Variants in MTMR8 observed in about 807,000 individuals in gnomAD.
MTMR8 encodes myotubularin related protein 8.
A neutral mutation model predicts 39.3 loss-of-function variants in MTMR8; 65 were observed. The ratio of observed to expected loss-of-function variants is 1.65; its 90% CI spans 1.35 to 2.03. The LOEUF (loss-of-function observed/expected upper bound fraction) is 2.03, where lower values mean the gene tolerates loss of function less well. Ranked by LOEUF, MTMR8 falls within the 30% of genes most tolerant of loss-of-function variation. The probability of loss-of-function intolerance (pLI) is 0.00; values close to 1 mark genes in which losing one functional copy is unlikely to be tolerated. For missense variants in MTMR8, 777 were observed against 538.9 expected (o/e 1.44, Z -4.37); for synonymous variants, 245 against 185.2 (o/e 1.32, Z -2.62).
chrX:64,296,710 T>C (rs1236523438), intron 12 of MTMR8, among the ~76,000 whole-genome samples: 1 of 107,972 alleles, frequency 9.3e-6, no homozygotes, highest in East Asian at 3.0e-4. Flanking sequence ...AGGTATATCT[T>C]CCAATGCTAT....
intron 12 of MTMR8, among the ~76,000 whole-genome samples, chrX:64,291,166 C>T (rs1474669087): frequency 9.0e-6 from 1 of 111,361 alleles, no homozygotes; most frequent in Non-Finnish European, 1.9e-5. Context: ...AACTCATTCA[C>T]TCAAAAGCCT....
chrX:64,280,059 G>A (rs1303455406), intron 12 of MTMR8, among the ~76,000 whole-genome samples: 5 of 111,924 alleles, frequency 4.5e-5, no homozygotes, highest in African/African-American at 1.6e-4. Flanking sequence ...GTAATAAATA[G>A]CCTACCAACT....
intron 12 of MTMR8, among the ~76,000 whole-genome samples, chrX:64,314,703 A>G (rs1425213458): frequency 5.3e-5 from 6 of 112,464 alleles, no homozygotes. Context: ...AGAAGGCAAG[A>G]TTGGCCCCAC....
intron 4 of MTMR8, among the ~76,000 whole-genome samples, chrX:64,352,406 C>T (rs1363880516): frequency 9.0e-6 from 1 of 111,543 alleles, no homozygotes; most frequent in Non-Finnish European, 1.9e-5. Context: ...ACACCGAGTC[C>T]TATGAATTTT....
chrX:64,379,749 C>T (rs886748281), intron 1 of MTMR8, among the ~76,000 whole-genome samples: 2 of 111,736 alleles, frequency 1.8e-5, no homozygotes, highest in Non-Finnish European at 3.8e-5. Context: ...AGGACTTCAA[C>T]ATATGAACTT....
chrX:64,283,080 C>G (rs1191651638), intron 12 of MTMR8, among the ~76,000 whole-genome samples: 3 of 112,055 alleles, frequency 2.7e-5, no homozygotes, highest in Non-Finnish European at 5.6e-5. Context: ...CATAGCCAAG[C>G]AAAGCTGTGA....
At chrX:64,291,764 T>C (rs1426210480) in intron 12 of MTMR8, among the ~76,000 whole-genome samples, 2 of 111,808 alleles carry the variant, frequency 1.8e-5, no homozygotes, top group African/African-American at 6.5e-5. Flanking sequence ...AACTTTGGCA[T>C]GGCATTCTTC....
intron 12 of MTMR8, among the ~76,000 whole-genome samples, chrX:64,303,388 C>T (rs1921969499): frequency 8.9e-6 from 1 of 112,393 alleles, no homozygotes; most frequent in South Asian, 3.7e-4. Context: ...GATGACAAGA[C>T]ACACTGCAAA....
intron 11 of MTMR8, 150 bp from the exon 12 acceptor site, chrX:64,329,050 T>C (rs1033732201): frequency 2.2e-6 from 1 of 446,212 alleles, no homozygotes; most frequent in Admixed American, 5.4e-5. Context: ...AATAAGTGGA[T>C]AAAAAGTGTT....
Position 64,362,471 on chromosome X carries a change from G to GAAAAA in MTMR8, c.25-2949_25-2945dup, listed in dbSNP as rs760545171. On this transcript the variant is annotated intron_variant, in intron 1 of 13. Coordinates refer to ENST00000374852, the MANE Select transcript of MTMR8 (RefSeq NM_017677.4). ...ACAAAAAACCTCTAGTACTATTGCAGAAAAAAAAAAAAAAAAAAAAAAAAA... is the reference window on the plus strand; with the variant it reads ...ACAAAAAACCTCTAGTACTATTGCAGAAAAAAAAAAAAAAAAAAAAAAAAAAAAAA... 9.1e-4 allele frequency among the ~76,000 whole-genome samples: 5 copies of GAAAAA among 5,494 alleles called. 1 individual carries two copies. The East Asian group carries it at 0.021, about 23-fold the overall frequency. The allele number at this position is 5,494 out of a possible 115,157, so 4.8% of individuals were successfully genotyped here. A position where few individuals can be genotyped will look rare whatever the true frequency, so the allele number is the denominator to read the frequency against.
chrX:64,321,597 C>G (rs912189224), intron 12 of MTMR8, among the ~76,000 whole-genome samples: 3 of 111,510 alleles, frequency 2.7e-5, no homozygotes, highest in African/African-American at 9.8e-5. Context: ...GATTAGTAAG[C>G]AGACCAATAA....
chrX:64,306,107 C>A (rs1263776981), intron 12 of MTMR8: 1 of 222,305 alleles, frequency 4.5e-6, no homozygotes, highest in South Asian at 7.6e-5. Flanking sequence ...GCCCCTATCA[C>A]AGAAAAAAAA....
chrX:64,375,380 G>T (rs953102589), intron 1 of MTMR8, among the ~76,000 whole-genome samples: 1 of 110,627 alleles, frequency 9.0e-6, no homozygotes, highest in Non-Finnish European at 1.9e-5. Flanking sequence ...GTAAAGGGAT[G>T]GAGAAAGATA....
At chrX:64,374,289 T>G (rs1166413695) in intron 1 of MTMR8, among the ~76,000 whole-genome samples, 1 of 111,977 alleles carries the variant, frequency 8.9e-6, no homozygotes, top group Non-Finnish European at 1.9e-5. Flanking sequence ...CACCTAGAAC[T>G]GAATATTCAA....
At chrX:64,393,622 C>T (rs1429767232) in intron 1 of MTMR8, among the ~76,000 whole-genome samples, 1 of 111,800 alleles carries the variant, frequency 8.9e-6, no homozygotes, top group Non-Finnish European at 1.9e-5. Flanking sequence ...ACAGAAGTTC[C>T]TTTCCTTTAA....
intron 12 of MTMR8, among the ~76,000 whole-genome samples, chrX:64,310,379 C>T (rs572095086): frequency 1.8e-5 from 2 of 111,242 alleles, no homozygotes; most frequent in African/African-American, 3.3e-5. Flanking sequence ...CCATATCTGC[C>T]GTTATATCCT....
chrX:64,375,551 T>C (rs937353346), intron 1 of MTMR8, among the ~76,000 whole-genome samples: 10 of 111,125 alleles, frequency 9.0e-5, no homozygotes, highest in African/African-American at 2.6e-4. Flanking sequence ...CCCCTGCCAA[T>C]GCAATAGTAT....
intron 8 of MTMR8, among the ~76,000 whole-genome samples, chrX:64,342,050 G>A (rs1923232178): frequency 8.9e-6 from 1 of 112,251 alleles, no homozygotes; most frequent in African/African-American, 3.2e-5. Flanking sequence ...TGAATGTCAA[G>A]CTTATGGGGT....
chrX:64,354,882 C>A lies in MTMR8; in HGVS notation c.363G>T (p.Glu121Asp), dbSNP rs1602144136. The A allele has an allele frequency of 8.3e-7, 1 of 1,205,570 alleles. No individual in the cohort carries two copies. Among genetic ancestry groups the A allele is most frequent in the African/African-American group, 1.7e-5 (1 of 57,571 alleles). Residue 121 changes from glutamate (E) to aspartate (D), a missense_variant, in exon 4 of 14, where the codon GAG (glutamate) becomes GAT (aspartate). Transcript: ENST00000374852. ...TCAGTTTCCATCCACTTTCCCTCAT[C>A]TCTTTTGAGGATTTGGGATTATAAG... ...AFSYNPKSSK[E>D]MRESGWKLID...
Sources: gnomAD v4.1 joint callset for allele counts (sites outside exome capture counted in the v4.1 genomes callset) on GRCh38, gnomAD v4.1.1 for gene constraint, MANE v1.5 for transcripts, NCBI Gene and HGNC (gene_info 2026-07-23, HGNC 2026-07-21) for gene names.